PHKA1: variants seen among roughly 807,000 people sequenced by gnomAD.
PHKA1 encodes phosphorylase kinase regulatory subunit alpha 1, also known as phosphorylase b kinase regulatory subunit alpha, skeletal muscle isoform.
Under a neutral mutation model 110.2 loss-of-function variants are expected in PHKA1, and 60 were observed. The observed-to-expected ratio is 0.54, with a 90% confidence interval of 0.44 to 0.68. The LOEUF (loss-of-function observed/expected upper bound fraction) is 0.68. Ranked by LOEUF, PHKA1 falls within the 30% of genes least tolerant of loss-of-function variation. The pLI, the probability that PHKA1 is intolerant of heterozygous loss-of-function variation, is 0.00. For synonymous variants in PHKA1, 316 were observed against 333.6 expected (o/e 0.95, Z 0.58); for missense variants, 801 against 942.5 (o/e 0.85, Z 1.97).
At chrX:72,683,474 T>C (rs1319318067) in intron 5 of PHKA1, among the ~76,000 whole-genome samples, 1 of 111,841 alleles carries the variant, frequency 8.9e-6, no homozygotes, top group Admixed American at 9.4e-5. Flanking sequence ...ATAACAACTT[T>C]TGTATTTTTA....
At chrX:72,640,267 G>A (rs2053280994) in intron 14 of PHKA1, among the ~76,000 whole-genome samples, 1 of 111,766 alleles carries the variant, frequency 8.9e-6, no homozygotes, top group Admixed American at 9.5e-5. Flanking sequence ...ACATGTGGAA[G>A]AGAAAGTGTC....
rs1472985098 is a variant in PHKA1, at chrX:72,589,981, T to A, written c.3243+3123A>T. ...TCATGGATAGGAAGAACCAATATCA[T>A]GAAAATGGCCATACTGCTCAAGATA... On this transcript the variant is annotated intron_variant, in intron 29 of 31. Coordinates refer to ENST00000373542, the MANE Select transcript of PHKA1 (RefSeq NM_002637.4). Among the ~76,000 whole-genome samples, 4 of 111,321 alleles carry A rather than the reference T, an allele frequency of 3.6e-5. 1 individual carries two copies. The Middle Eastern group carries it at 0.014, about 385-fold the overall frequency.
At chrX:72,663,237 TAAA>T (rs2053580465) in intron 8 of PHKA1, among the ~76,000 whole-genome samples, 1 of 106,973 alleles carries the variant, frequency 9.3e-6, no homozygotes, top group African/African-American at 3.4e-5. Flanking sequence ...ATTAATGAAA[TAAA>T]AAACACAATC....
At chrX:72,660,461 G>T (rs2053546357) in intron 8 of PHKA1, 2 of 274,553 alleles carry the variant, frequency 7.3e-6, no homozygotes, top group South Asian at 2.4e-4. Flanking sequence ...CAACATAAGT[G>T]AAAATGCAGA....
In PHKA1 at chrX:72,649,002, G is replaced by C. The variant is rs544246515; in HGVS notation, c.1324+1388C>G. Among the ~76,000 whole-genome samples the C allele has an allele frequency of 7.2e-5, 8 of 111,701 alleles. No individual in the cohort carries two copies. In the Admixed American group the frequency reaches 7.6e-4, roughly 11 times the overall value. ...GGCAGGATTTGGAGAGGAAGAGGAA[G>C]GCTGTAGCCAGGCCTCAAAGTCTTC... On this transcript the variant is annotated intron_variant, in intron 13 of 31. Transcript: ENST00000373542.
chrX:72,690,680 T>C (rs1255409018), intron 4 of PHKA1, among the ~76,000 whole-genome samples: 17 of 112,582 alleles, frequency 1.5e-4, no homozygotes, highest in African/African-American at 5.5e-4. Flanking sequence ...TGGTATTCTG[T>C]TGTGGCAGAC....
At chrX:72,632,901 T>C (rs1008594438) in intron 16 of PHKA1, among the ~76,000 whole-genome samples, 1 of 112,136 alleles carries the variant, frequency 8.9e-6, no homozygotes, top group Non-Finnish European at 1.9e-5. Flanking sequence ...AGAGAAAGTA[T>C]TCAGTAAATA....
chrX:72,685,604 T>C (rs986546078), intron 4 of PHKA1, among the ~76,000 whole-genome samples: 31 of 112,163 alleles, frequency 2.8e-4, no homozygotes, highest in African/African-American at 1.0e-3. Flanking sequence ...GCACTAAAAG[T>C]TTTTATACAC....
At chrX:72,591,708 A>G (rs1333589858) in intron 29 of PHKA1, among the ~76,000 whole-genome samples, 1 of 112,224 alleles carries the variant, frequency 8.9e-6, no homozygotes, top group Non-Finnish European at 1.9e-5. Context: ...CAACAAAGCT[A>G]TCTGTTACTG....
chrX:72,674,669 G>T (rs1412529621), intron 6 of PHKA1, among the ~76,000 whole-genome samples: 3 of 111,694 alleles, frequency 2.7e-5, no homozygotes, highest in Non-Finnish European at 5.6e-5. Context: ...TAACCTAAGG[G>T]TTCCACTTTG....
chrX:72,684,657 T>A (rs2053948399), intron 4 of PHKA1, 77 bp from the exon 5 acceptor site: 1 of 623,161 alleles, frequency 1.6e-6, no homozygotes, highest in African/African-American at 2.2e-5. Flanking sequence ...AGTGACTAAC[T>A]GATCTCACTA....
At chrX:72,685,850 G>A (rs1337171272) in intron 4 of PHKA1, among the ~76,000 whole-genome samples, 1 of 111,755 alleles carries the variant, frequency 8.9e-6, no homozygotes, top group Non-Finnish European at 1.9e-5. Context: ...TTACTTGGTG[G>A]AGGCTATTCT....
At chrX:72,602,834 G>A (rs181474073) in intron 26 of PHKA1, among the ~76,000 whole-genome samples, 3 of 112,081 alleles carry the variant, frequency 2.7e-5, no homozygotes, top group African/African-American at 9.7e-5. Flanking sequence ...GATGATATGG[G>A]TTGCTAGTTG....
chrX:72,708,758 G>GAGATTCTGGAAAGGCTATA (rs1331113688), intron 2 of PHKA1, among the ~76,000 whole-genome samples: 6 of 111,681 alleles, frequency 5.4e-5, no homozygotes, highest in Admixed American at 1.9e-4. Context: ...GCTAGTCTAA[G>GAGATTCTGGAAAGGCTATA]AGATTCTGGA....
rs1556329389 is a variant in PHKA1 at position 72,701,167 on chromosome X, G to T, written c.285+4031C>A. ...TGGAGAAACTGGTAATTTTACCAAG[G>T]CTTTGACTGGAATGGTGTGCTTTCC... On this transcript the variant is annotated intron_variant, in intron 3 of 31. Transcript: ENST00000373542. Among the ~76,000 whole-genome samples, 3 of 112,202 alleles carry T rather than the reference G, an allele frequency of 2.7e-5. No homozygotes were observed. The Admixed American group carries it at 2.8e-4, about 11-fold the overall frequency.
At chrX:72,655,747 C>T (rs926855162) in intron 10 of PHKA1, among the ~76,000 whole-genome samples, 6 of 110,915 alleles carry the variant, frequency 5.4e-5, no homozygotes, top group Non-Finnish European at 9.5e-5. Context: ...CTCAGCCTCC[C>T]GAGTAGCTGG....
chrX:72,667,758 A>G (rs2053630767), intron 6 of PHKA1, among the ~76,000 whole-genome samples: 2 of 111,488 alleles, frequency 1.8e-5, no homozygotes, highest in South Asian at 7.6e-4. Flanking sequence ...TAGATTCCAC[A>G]TATAAATGAG....
intron 5 of PHKA1, among the ~76,000 whole-genome samples, chrX:72,683,884 G>A (rs1442180516): frequency 8.9e-6 from 1 of 111,985 alleles, no homozygotes; most frequent in African/African-American, 3.2e-5. Flanking sequence ...ATAGATATTT[G>A]GGTTATTTCC....
intron 6 of PHKA1, among the ~76,000 whole-genome samples, chrX:72,670,666 C>A (rs1356266192): frequency 8.9e-6 from 1 of 111,809 alleles, no homozygotes; most frequent in Non-Finnish European, 1.9e-5. Flanking sequence ...CCCTGATGAA[C>A]ATCGATGCAA....
Sources: allele counts gnomAD v4.1 joint callset (sites outside exome capture counted in the v4.1 genomes callset), GRCh38; gene constraint gnomAD v4.1.1; transcripts MANE v1.5; gene names NCBI Gene and HGNC (gene_info 2026-07-23, HGNC 2026-07-21).